KDM2B: variants seen among roughly 807,000 people sequenced by gnomAD.
KDM2B encodes the protein lysine-specific demethylase 2B.
KDM2B carries 26 observed loss-of-function variants against 150.0 expected under a neutral mutation model. The observed-to-expected ratio is 0.17, with a 90% CI of 0.13 to 0.24. The LOEUF (loss-of-function observed/expected upper bound fraction) is 0.24. Ranked by LOEUF, KDM2B falls within the 10% of genes least tolerant of loss-of-function variation. The pLI, the probability that KDM2B is intolerant of heterozygous loss-of-function variation, is 1.00. For missense variants in KDM2B, 1,265 were observed against 1,816.9 expected, an observed-to-expected ratio of 0.70 and a Z score of 5.52; for synonymous variants, 734 against 729.5, an observed-to-expected ratio of 1.01 and a Z score of -0.10.
intron 9 of KDM2B, among the ~76,000 whole-genome samples, chr12:121,517,155 A>T (rs890124711): frequency 7.8e-4 from 119 of 152,212 alleles, no homozygotes; most frequent in African/African-American, 2.6e-3. Context: ...GATGATCGAG[A>T]TGTTGTCTTA....
intron 4 of KDM2B, among the ~76,000 whole-genome samples, chr12:121,558,895 T>G (rs556096014): frequency 6.6e-6 from 1 of 152,228 alleles, no homozygotes; most frequent in South Asian, 2.1e-4. Flanking sequence ...CCAGCCTCCT[T>G]TTCTGAGGAA....
chr12:121,515,978 G>A (rs1309727320), intron 9 of KDM2B, among the ~76,000 whole-genome samples: 2 of 152,064 alleles, frequency 1.3e-5, no homozygotes, highest in Admixed American at 6.6e-5. Flanking sequence ...TTACTAGATC[G>A]GTGCCCTCTG....
In KDM2B at chr12:121,513,232, C is replaced by G; in HGVS notation, c.1174+44G>C. 1 of 1,598,466 alleles carries G rather than the reference C, an allele frequency of 6.3e-7. No homozygotes were observed. The highest frequency in any genetic ancestry group is 8.6e-7 in the Non-Finnish European group (1 of 1,167,808). Reference sequence around the variant, plus strand: ...CCCCACTGAGAAAATGATTTCTGCCCCAGCTGTGCAGCCGAGGCCGTGGGC... The same window carrying G: ...CCCCACTGAGAAAATGATTTCTGCCGCAGCTGTGCAGCCGAGGCCGTGGGC... On this transcript the variant is annotated intron_variant, in intron 10 of 22. Coordinates refer to ENST00000377071, the MANE Select transcript of KDM2B (RefSeq NM_032590.5). This position sits in a 1 kb window ranked among gnomAD's most constrained non-coding sequence, Gnocchi z 5.0.
chr12:121,489,126 G>T (rs1454073910), intron 12 of KDM2B, among the ~76,000 whole-genome samples: 1 of 151,798 alleles, frequency 6.6e-6, no homozygotes, highest in Non-Finnish European at 1.5e-5. Context: ...GGTATTTTTA[G>T]TAAAGATGGT....
chr12:121,518,665 G>A lies in KDM2B; in HGVS notation c.1047+2320C>T, dbSNP rs1254105586. ...TAAGGGAACCATGGGGCCCAAATCC[G>A]CTGAGTTTACAATTGAATTCCCAGG... On this transcript the variant is annotated intron_variant, in intron 9 of 22. Coordinates refer to ENST00000377071, the MANE Select transcript of KDM2B (RefSeq NM_032590.5). The surrounding 1 kb of genome is among the most constrained non-coding windows in gnomAD (Gnocchi z 4.4). Among the ~76,000 whole-genome samples the A allele has an allele frequency of 2.0e-5, 3 of 152,190 alleles. No individual in the cohort carries two copies. The highest frequency in any genetic ancestry group is 4.4e-5 in the Non-Finnish European group (3 of 68,024).
intron 4 of KDM2B, among the ~76,000 whole-genome samples, chr12:121,554,160 G>A (rs1367529805): frequency 5.3e-5 from 8 of 151,532 alleles, no homozygotes; most frequent in Non-Finnish European, 5.9e-5. Context: ...CTGCTTGAGC[G>A]TCAGGAGGTT....
chr12:121,526,336 G>A lies in KDM2B; in HGVS notation c.932-5236C>T, dbSNP rs992152951. Among the ~76,000 whole-genome samples the A allele has an allele frequency of 1.8e-4, 27 of 151,974 alleles. 1 individual carries two copies. The highest frequency in any genetic ancestry group is 6.6e-5 in the Admixed American group (1 of 15,258). ...CCATTGCCCTCCAGCCTGGGTGACA[G>A]AGCAAGACTCTGCCTCAGGGGAAAA... On this transcript the variant is annotated intron_variant, in intron 8 of 22. Coordinates refer to ENST00000377071, the MANE Select transcript of KDM2B (RefSeq NM_032590.5).
intron 1 of KDM2B, chr12:121,580,176 C>T: frequency 6.5e-7 from 1 of 1,535,724 alleles, no homozygotes; most frequent in East Asian, 2.3e-5. Flanking sequence ...AAGCCAGAGC[C>T]GAGATCTACA....
At chr12:121,516,521 C>T in intron 9 of KDM2B, 2 of 1,418,070 alleles carry the variant, frequency 1.4e-6, no homozygotes, top group Non-Finnish European at 1.9e-6. Flanking sequence ...AGCCACATGC[C>T]TGGGGACATT....
At chr12:121,459,267 T>A (rs1431757669) in intron 12 of KDM2B, among the ~76,000 whole-genome samples, 1 of 152,136 alleles carries the variant, frequency 6.6e-6, no homozygotes, top group Non-Finnish European at 1.5e-5. Context: ...CCAAGGCAAT[T>A]CAGTTGGGTA....
At chr12:121,548,840 A>G in intron 6 of KDM2B, 37 bp downstream of exon 6, 1 of 1,548,964 alleles carries the variant, frequency 6.5e-7, no homozygotes. Context: ...CTGGGGGTCA[A>G]CCCTGCCAGC....
the KDM2B span, chr12:121,416,443 G>T: frequency 5.5e-5 from 58 of 1,054,752 alleles, no homozygotes; most frequent in Non-Finnish European, 8.3e-5. Context: ...AGGTTATTTT[G>T]AATAGCTATT....
chr12:121,464,306 GCAAGCTGAAGAATTTTCTGA>G (rs1186740988), intron 12 of KDM2B, among the ~76,000 whole-genome samples: 1 of 152,252 alleles, frequency 6.6e-6, no homozygotes, highest in Non-Finnish European at 1.5e-5. Flanking sequence ...AACTTGGAAA[GCAAGCTGAAGAATTTTCTGA>G]CACATTTTGT....
In KDM2B at chr12:121,579,034, G is replaced by A. The variant is rs947507193; in HGVS notation, c.127-88C>T. 7.1e-6 allele frequency: 10 copies of A among 1,407,952 alleles called. 1 individual carries two copies. In the African/African-American group the frequency reaches 7.2e-5, roughly 10 times the overall value. 87.2% of individuals were successfully genotyped at this position (1,407,952 alleles called of 1,614,324 possible). On this transcript the variant is annotated intron_variant, in intron 1 of 22. Coordinates refer to ENST00000377071, the MANE Select transcript of KDM2B (RefSeq NM_032590.5). Reference sequence around the variant, plus strand: ...CCTGGGCCCAGCACTAACAGGTGCAGCAGCCGAGCGCCCCCTGCACCCCAC... The same window carrying A: ...CCTGGGCCCAGCACTAACAGGTGCAACAGCCGAGCGCCCCCTGCACCCCAC...
At chr12:121,562,858 G>T (rs1314035954) in intron 4 of KDM2B, among the ~76,000 whole-genome samples, 1 of 152,132 alleles carries the variant, frequency 6.6e-6, no homozygotes, top group African/African-American at 2.4e-5. Flanking sequence ...GACTACTGAG[G>T]AGAACAAAGT....
At chr12:121,555,859 C>T (rs1369261372) in intron 4 of KDM2B, among the ~76,000 whole-genome samples, 1 of 152,070 alleles carries the variant, frequency 6.6e-6, no homozygotes, top group African/African-American at 2.4e-5. Flanking sequence ...ACCCTCCTTG[C>T]ATAAAGAGTG....
At chr12:121,460,042 C>G (rs549542871) in intron 12 of KDM2B, among the ~76,000 whole-genome samples, 2 of 152,266 alleles carry the variant, frequency 1.3e-5, no homozygotes, top group East Asian at 3.9e-4. Context: ...AAAAGATCTA[C>G]AAATGGCCAG....
At chr12:121,422,138 A>G in the KDM2B span, among the ~76,000 whole-genome samples, 2 of 152,292 alleles carry the variant, frequency 1.3e-5, no homozygotes, top group Admixed American at 1.3e-4. Flanking sequence ...TCCCACCCTT[A>G]AGTACTTTGC....
In KDM2B at chr12:121,442,684, G is replaced by A. The variant is rs1338831795; in HGVS notation, c.2757C>T (p.Pro919=). 4 of 1,600,080 alleles carry A rather than the reference G, an allele frequency of 2.5e-6. No homozygotes were observed. Among genetic ancestry groups the A allele is most frequent in the African/African-American group, 1.3e-5 (1 of 74,432 alleles). The change falls in exon 19 of 23, where the codon CCC becomes CCT. Residue 919 remains proline (P), a synonymous_variant. Transcript: ENST00000377071. The surrounding 1 kb of genome is among the most constrained non-coding windows in gnomAD (Gnocchi z 7.7). ...CCGGGCCCTCGGCCCCTTCGGTGCT[G>A]GGTCCCGCGGTGGGGGAGCTGGAGC... ...HSRSSSPTAG[P]STEGAEGPEE...
Sources: gnomAD v4.1 joint callset for allele counts (sites outside exome capture counted in the v4.1 genomes callset) on GRCh38, gnomAD v4.1.1 for gene constraint, Gnocchi (gnomAD v3.1) non-coding constraint, MANE v1.5 for transcripts, NCBI Gene and HGNC (gene_info 2026-07-23, HGNC 2026-07-21) for gene names.